KDM4B: variants seen among roughly 807,000 people sequenced by gnomAD.
KDM4B encodes lysine-specific demethylase 4B.
In KDM4B, 32 loss-of-function variants were observed where a neutral mutation model predicts 125.2. The observed-to-expected ratio is 0.26, with a 90% confidence interval of 0.19 to 0.34. The LOEUF (loss-of-function observed/expected upper bound fraction) is 0.34, where lower values mean the gene tolerates loss of function less well. Among genes scored for constraint, KDM4B ranks in the 10% least tolerant of loss-of-function variants. The probability of loss-of-function intolerance (pLI) is 1.00; values close to 1 mark genes in which losing one functional copy is unlikely to be tolerated. For synonymous variants in KDM4B, 721 were observed against 677.9 expected, an observed-to-expected ratio of 1.06 and a Z score of -0.99; for missense variants, 1,190 against 1,577.7, an observed-to-expected ratio of 0.75 and a Z score of 4.16.
At chr19:5,006,185 C>T (rs1177519208) in intron 1 of KDM4B, among the ~76,000 whole-genome samples, 1 of 152,094 alleles carries the variant, frequency 6.6e-6, no homozygotes. Context: ...ATGCCTGGCT[C>T]CCCGCAGCCT....
At chr19:5,099,310 G>A (rs2038887066) in intron 9 of KDM4B, among the ~76,000 whole-genome samples, 1 of 152,240 alleles carries the variant, frequency 6.6e-6, no homozygotes, top group Non-Finnish European at 1.5e-5. Flanking sequence ...CCATGTCTGT[G>A]TCTTGGGTGG....
At chr19:5,031,816 G>A (rs531283235) in intron 2 of KDM4B, among the ~76,000 whole-genome samples, 8 of 152,322 alleles carry the variant, frequency 5.3e-5, no homozygotes, top group Admixed American at 2.0e-4. Context: ...CTTCAGGAGC[G>A]GGTGGCTGCA....
At chr19:5,150,331 G>C (rs1455289789) in intron 21 of KDM4B, 27 bp from the exon 22 acceptor site, 1 of 1,541,310 alleles carries the variant, frequency 6.5e-7, no homozygotes, top group Admixed American at 2.0e-5. Context: ...GCAGTGCCAG[G>C]CCCCTGAGAG....
At chr19:4,983,716 A>T (rs1029297498) in intron 1 of KDM4B, among the ~76,000 whole-genome samples, 2 of 152,210 alleles carry the variant, frequency 1.3e-5, no homozygotes, top group African/African-American at 4.8e-5. Flanking sequence ...AGGAAAGCCC[A>T]GAAGAGAGAC....
intron 7 of KDM4B, chr19:5,074,292 G>A (rs1327913888): frequency 1.3e-5 from 2 of 152,364 alleles, no homozygotes; most frequent in Admixed American, 6.5e-5. Context: ...GGGGCAGGAT[G>A]GGGCACTAAT....
At position 5,129,847 on chromosome 19, in the gene KDM4B, G is replaced by A. The variant is rs567255322; in HGVS notation, c.1316-1229G>A. The stretch of plus-strand genomic sequence containing the variant: ...TCTGGGGTCCACAGTGTGCTGTGCG[G>A]CCAGGCTGGTCTTCCTCGAGGACAG... On this transcript the variant is annotated intron_variant, in intron 11 of 22. Coordinates refer to ENST00000159111, the MANE Select transcript of KDM4B (RefSeq NM_015015.3). Among the ~76,000 whole-genome samples, 25 of 152,342 alleles carry A rather than the reference G, an allele frequency of 1.6e-4. No individual in the cohort carries two copies. The South Asian group carries it at 5.0e-3, about 30-fold the overall frequency.
intron 1 of KDM4B, among the ~76,000 whole-genome samples, chr19:4,973,338 G>A (rs2034326576): frequency 1.3e-5 from 2 of 152,086 alleles, no homozygotes; most frequent in African/African-American, 4.8e-5. Context: ...ACAGGTGCCC[G>A]CCACCACACC....
chr19:5,139,628 G>A (rs1287289868), intron 18 of KDM4B, among the ~76,000 whole-genome samples: 1 of 152,226 alleles, frequency 6.6e-6, no homozygotes. Flanking sequence ...CAGGTGCGAG[G>A]TGGTCTCGCT....
intron 20 of KDM4B, 88 bp downstream of exon 20, chr19:5,144,500 G>GCA (rs1203025681): frequency 8.6e-7 from 1 of 1,159,676 alleles, no homozygotes; most frequent in African/African-American, 1.6e-5. Flanking sequence ...GAGCTGTGGG[G>GCA]GTGGGCGGGG....
intron 9 of KDM4B, among the ~76,000 whole-genome samples, chr19:5,110,001 G>A (rs1423592283): frequency 2.0e-5 from 3 of 152,190 alleles, no homozygotes; most frequent in Admixed American, 6.5e-5. Context: ...CCTCAGCCTC[G>A]CTGGTCTCTG....
At chr19:5,055,341 A>T (rs1348763989) in intron 6 of KDM4B, among the ~76,000 whole-genome samples, 2 of 152,232 alleles carry the variant, frequency 1.3e-5, no homozygotes, top group East Asian at 3.9e-4. Context: ...GGACAGACAC[A>T]GACACACTTG....
chr19:5,010,927 C>A (rs940318049), intron 1 of KDM4B, among the ~76,000 whole-genome samples: 1 of 152,216 alleles, frequency 6.6e-6, no homozygotes, highest in Non-Finnish European at 1.5e-5. Context: ...GGATTACAGG[C>A]GTGAGCCACT....
At chr19:5,117,570 G>C (rs976137883) in intron 10 of KDM4B, among the ~76,000 whole-genome samples, 9 of 152,166 alleles carry the variant, frequency 5.9e-5, no homozygotes, top group East Asian at 1.9e-4. Flanking sequence ...TCCTCCTCCT[G>C]AGCCTGCTGT....
In KDM4B at chr19:5,086,344, G is replaced by A. The variant is rs186769273; in HGVS notation, c.918+3840G>A. ...TAGGGCTCGGATCTGGTAGGCCGAC[G>A]CTGTGCCGTCTGCAAACTGAGCAGG... is the stretch of plus-strand genomic sequence containing the variant. On this transcript the variant is annotated intron_variant, in intron 9 of 22. Transcript: ENST00000159111. Among the ~76,000 whole-genome samples the A allele has an allele frequency of 2.0e-5, 3 of 152,178 alleles. No individual in the cohort carries two copies. In the East Asian group the frequency reaches 5.8e-4, roughly 29 times the overall value.
At chr19:5,056,261 C>T (rs1281956292) in intron 6 of KDM4B, among the ~76,000 whole-genome samples, 1 of 152,206 alleles carries the variant, frequency 6.6e-6, no homozygotes, top group Non-Finnish European at 1.5e-5. Context: ...GCGCAGCCAT[C>T]AGCGTGATGT....
At chr19:5,073,610 G>A (rs534621347) in intron 7 of KDM4B, among the ~76,000 whole-genome samples, 1 of 152,214 alleles carries the variant, frequency 6.6e-6, no homozygotes, top group Non-Finnish European at 1.5e-5. Context: ...TGCTGGAGAG[G>A]CCACAGGCAG....
intron 14 of KDM4B, among the ~76,000 whole-genome samples, chr19:5,134,427 T>C (rs1048172874): frequency 6.6e-6 from 1 of 152,076 alleles, no homozygotes; most frequent in Non-Finnish European, 1.5e-5. Flanking sequence ...CGGGCGGGGC[T>C]CCCGCAAACC....
chr19:5,026,624 T>C (rs1400878745), intron 2 of KDM4B, among the ~76,000 whole-genome samples: 1 of 152,134 alleles, frequency 6.6e-6, no homozygotes, highest in East Asian at 1.9e-4. Flanking sequence ...CGGAGGAGGA[T>C]TCTGGGGCCC....
chr19:5,049,150 G>A (rs1295797336), intron 6 of KDM4B, among the ~76,000 whole-genome samples: 2 of 152,236 alleles, frequency 1.3e-5, no homozygotes, highest in East Asian at 3.9e-4. Flanking sequence ...TGGCTCCCTG[G>A]AGGCGGCAGT....
Sources: allele counts gnomAD v4.1 joint callset (sites outside exome capture counted in the v4.1 genomes callset), GRCh38; gene constraint gnomAD v4.1.1; transcripts MANE v1.5; gene names NCBI Gene and HGNC (gene_info 2026-07-23, HGNC 2026-07-21).